The following AADAT variants were observed in gnomAD, a reference collection of about 807,000 sequenced individuals.
The protein encoded by AADAT is aminoadipate aminotransferase.
In AADAT, 25 loss-of-function variants were observed where a neutral mutation model predicts 56.2. The ratio of observed to expected loss-of-function variants is 0.44; its 90% CI spans 0.32 to 0.62. The LOEUF (loss-of-function observed/expected upper bound fraction) is 0.62. Among genes scored for constraint, AADAT ranks in the 20% least tolerant of loss-of-function variants. The pLI, the probability that AADAT is intolerant of heterozygous loss-of-function variation, is 0.04. For synonymous variants in AADAT, 173 were observed against 164.7 expected, an observed-to-expected ratio of 1.05 and a Z score of -0.39; for missense variants, 387 against 510.5, an observed-to-expected ratio of 0.76 and a Z score of 2.33.
intron 3 of AADAT, among the ~76,000 whole-genome samples, chr4:170,081,318 CA>C (rs1490630334): frequency 1.3e-5 from 2 of 152,016 alleles, no homozygotes; most frequent in Non-Finnish European, 2.9e-5. Context: ...AAAATTACCC[CA>C]AAAGACTAAA....
Position 170,087,063 on chromosome 4 carries a change from G to T in AADAT, c.369+53C>A, listed in dbSNP as rs1024768949. On this transcript the variant is annotated intron_variant, in intron 3 of 12. Coordinates refer to ENST00000337664, the MANE Select transcript of AADAT (RefSeq NM_016228.4). ...TGTGGTTAAGTGCGAGAGGACTATAGAAATGAATGCTTCCAATTCTACATT... is the reference window on the plus strand; with the variant it reads ...TGTGGTTAAGTGCGAGAGGACTATATAAATGAATGCTTCCAATTCTACATT... The T allele has an allele frequency of 1.2e-6, 2 of 1,606,602 alleles. 1 individual carries two copies. Among genetic ancestry groups the T allele is most frequent in the South Asian group, 2.2e-5 (2 of 89,716 alleles).
intron 3 of AADAT, among the ~76,000 whole-genome samples, chr4:170,083,303 A>G (rs1415089474): frequency 6.6e-6 from 1 of 152,156 alleles, no homozygotes; most frequent in Non-Finnish European, 1.5e-5. Context: ...TGAAAAATTC[A>G]GAAGGAAATT....
intron 3 of AADAT, among the ~76,000 whole-genome samples, chr4:170,086,845 G>A (rs1186854641): frequency 3.9e-5 from 6 of 152,030 alleles, no homozygotes; most frequent in Non-Finnish European, 7.4e-5. Flanking sequence ...GAAAACTAGG[G>A]GGAAATATTG....
chr4:170,087,375 T>G (rs1233324725), intron 2 of AADAT, 127 bp from the exon 3 acceptor site: 2 of 847,194 alleles, frequency 2.4e-6, no homozygotes, highest in Non-Finnish European at 3.5e-6. Context: ...CTCAAATGCT[T>G]TTTGCCAGTA....
intron 4 of AADAT, among the ~76,000 whole-genome samples, chr4:170,077,134 T>C (rs1732079925): frequency 6.6e-6 from 1 of 152,126 alleles, no homozygotes; most frequent in African/African-American, 2.4e-5. Flanking sequence ...GAAGTGGGGG[T>C]CTTCCAAATT....
intron 4 of AADAT, among the ~76,000 whole-genome samples, chr4:170,074,265 G>A (rs1369814504): frequency 6.6e-6 from 1 of 151,954 alleles, no homozygotes; most frequent in Non-Finnish European, 1.5e-5. Context: ...TGGGTATACT[G>A]CATGATGCTG....
At chr4:170,088,608 G>A in intron 1 of AADAT, 44 bp from the exon 2 acceptor site, 1 of 1,567,532 alleles carries the variant, frequency 6.4e-7, no homozygotes, top group Non-Finnish European at 8.8e-7. Context: ...ATTGAAGATT[G>A]TTATAAGCGG....
At chr4:170,091,992 G>A (rs1281648333), upstream of AADAT, among the ~76,000 whole-genome samples, 1 of 152,174 alleles carries the variant, frequency 6.6e-6, no homozygotes, top group Non-Finnish European at 1.5e-5. Context: ...GTGGGGACTT[G>A]GAGAACTTTT....
chr4:170,063,349 A>T (rs1731287670), intron 11 of AADAT, among the ~76,000 whole-genome samples: 2 of 152,238 alleles, frequency 1.3e-5, no homozygotes, highest in Non-Finnish European at 2.9e-5. Context: ...ATATGGGATA[A>T]ATGAAGAGGA....
chr4:170,061,064 T>A, intron 12 of AADAT, 95 bp from the exon 13 acceptor site: 1 of 888,802 alleles, frequency 1.1e-6, no homozygotes, highest in Admixed American at 3.4e-5. Context: ...AGAGTATCTG[T>A]CTAAGGTTGA....
chr4:170,067,527 G>A, intron 8 of AADAT, 139 bp from the exon 9 acceptor site: 1 of 574,506 alleles, frequency 1.7e-6, no homozygotes, highest in Non-Finnish European at 3.1e-6. Flanking sequence ...TATAGTCAGT[G>A]ATTTAAAACA....
intron 5 of AADAT, 81 bp downstream of exon 5, chr4:170,073,051 GAAGA>G (rs1731849893): frequency 1.7e-5 from 22 of 1,285,874 alleles, no homozygotes; most frequent in South Asian, 2.8e-5. Context: ...AAAAGGCTAA[GAAGA>G]AAGGGAGCTT....
At chr4:170,078,956 T>C (rs1732167062) in intron 3 of AADAT, among the ~76,000 whole-genome samples, 1 of 152,230 alleles carries the variant, frequency 6.6e-6, no homozygotes, top group African/African-American at 2.4e-5. Context: ...ATTTATTCCT[T>C]TTATTGCTTC....
Position 170,078,597 on chromosome 4 carries a change from C to A in AADAT, c.370-14G>T, listed in dbSNP as rs763208300. 6 of 1,587,130 alleles carry A rather than the reference C, an allele frequency of 3.8e-6. No individual in the cohort carries two copies. The South Asian group carries it at 6.8e-5, about 18-fold the overall frequency. On this transcript the variant is annotated splice_polypyrimidine_tract_variant and intron_variant, in intron 3 of 12. Transcript: ENST00000337664. The stretch of plus-strand genomic sequence containing the variant: ...CATTTCAAACACCTAACAAAAGAAG[C>A]ATAGGTTAGCTTGTTAGTCAGCATA...
chr4:170,093,058 G>A (rs951872534), upstream of AADAT, among the ~76,000 whole-genome samples: 2 of 152,106 alleles, frequency 1.3e-5, no homozygotes, highest in East Asian at 3.9e-4. Flanking sequence ...ATATGTTGAT[G>A]TTCCTGGGGA....
At chr4:170,068,801 A>G in intron 7 of AADAT, 114 bp from the exon 8 acceptor site, 1 of 659,306 alleles carries the variant, frequency 1.5e-6, no homozygotes, top group South Asian at 2.4e-5. Context: ...GGATCTAGAT[A>G]ATTAAAACAT....
intron 6 of AADAT, among the ~76,000 whole-genome samples, chr4:170,069,846 T>C (rs1040316339): frequency 2.0e-5 from 3 of 152,120 alleles, no homozygotes; most frequent in African/African-American, 7.2e-5. Context: ...CTTCCCAGTA[T>C]ATTTAAGGGC....
At chr4:170,070,947 CTG>C (rs1283254550) in intron 5 of AADAT, among the ~76,000 whole-genome samples, 1 of 152,200 alleles carries the variant, frequency 6.6e-6, no homozygotes, top group Non-Finnish European at 1.5e-5. Context: ...GAGTCTCGCT[CTG>C]TCGCCCAGGC....
At chr4:170,067,211 T>C in intron 9 of AADAT, 116 bp downstream of exon 9, 1 of 760,596 alleles carries the variant, frequency 1.3e-6, no homozygotes, top group Non-Finnish European at 2.2e-6. Context: ...GTTCCTATTG[T>C]CTCTCCTTTC....
Sources: gnomAD v4.1 joint callset for allele counts (sites outside exome capture counted in the v4.1 genomes callset) on GRCh38, gnomAD v4.1.1 for gene constraint, MANE v1.5 for transcripts, NCBI Gene and HGNC (gene_info 2026-07-23, HGNC 2026-07-21) for gene names.